Variants in GTF2I observed in about 807,000 individuals in gnomAD.
The protein encoded by GTF2I is general transcription factor IIi.
Under a neutral mutation model 67.6 loss-of-function variants are expected in GTF2I, and 12 were observed. The observed-to-expected ratio is 0.18, with a 90% CI of 0.11 to 0.29. The LOEUF (loss-of-function observed/expected upper bound fraction) is 0.29. Among genes scored for constraint, GTF2I ranks in the 10% least tolerant of loss-of-function variants. GTF2I has a pLI of 1.00. For synonymous variants in GTF2I, 149 were observed against 197.0 expected, an observed-to-expected ratio of 0.76 and a Z score of 2.04; for missense variants, 271 against 580.1, an observed-to-expected ratio of 0.47 and a Z score of 5.47.
At chr7:74,684,011 A>G (rs1004132817) in intron 1 of GTF2I, among the ~76,000 whole-genome samples, 2 of 151,626 alleles carry the variant, frequency 1.3e-5, no homozygotes, top group African/African-American at 4.9e-5. Flanking sequence ...GACAGATAGG[A>G]GAGGTCATAT....
chr7:74,689,378 G>C, intron 2 of GTF2I, 151 bp downstream of exon 2: 1 of 440,092 alleles, frequency 2.3e-6, no homozygotes, highest in Non-Finnish European at 3.9e-6. Flanking sequence ...TTTTTGAGAC[G>C]GAGTCTTGCT....
In GTF2I at chr7:74,662,204, C is replaced by CT. The variant is rs59914241; in HGVS notation, c.-6+4163dup. Among the ~76,000 whole-genome samples, 712 of 82,576 alleles carry CT rather than the reference C, an allele frequency of 8.6e-3. 19 individuals are homozygous for CT. Among genetic ancestry groups the CT allele is most frequent in the South Asian group, 0.02 (49 of 2,452 alleles). 54.2% of individuals were successfully genotyped at this position (82,576 alleles called of 152,430 possible). On this transcript the variant is annotated intron_variant, in intron 1 of 34. Transcript: ENST00000573035. ...AGAAAGATTTTTAGGTTTTTTCTTT[C>CT]TTTTTTTTTTTTTTTTTTTTTTTTT...
At chr7:74,702,040 A>G (rs954018574) in intron 6 of GTF2I, among the ~76,000 whole-genome samples, 1 of 152,170 alleles carries the variant, frequency 6.6e-6, no homozygotes, top group African/African-American at 2.4e-5. Context: ...ATTCTGTGAC[A>G]TGAACATACT....
At chr7:74,678,096 C>G (rs1299282309) in intron 1 of GTF2I, among the ~76,000 whole-genome samples, 1 of 151,966 alleles carries the variant, frequency 6.6e-6, no homozygotes, top group African/African-American at 2.4e-5. Flanking sequence ...ACTCTGTCAC[C>G]CAGGCTGGAG....
At chr7:74,716,736 A>G (rs1425264824) in intron 10 of GTF2I, 158 bp from the exon 11 acceptor site, 2 of 540,716 alleles carry the variant, frequency 3.7e-6, no homozygotes, top group African/African-American at 3.8e-5. Flanking sequence ...TCTTTTCTGA[A>G]TTAGAAAACA....
intron 2 of GTF2I, among the ~76,000 whole-genome samples, chr7:74,689,575 C>T (rs1194691209): frequency 6.6e-6 from 1 of 151,700 alleles, no homozygotes; most frequent in Non-Finnish European, 1.5e-5. Context: ...AGGCCGGTCT[C>T]GAACTCCTGA....
At chr7:74,711,647 C>T (rs1484124952) in intron 9 of GTF2I, among the ~76,000 whole-genome samples, 5 of 152,092 alleles carry the variant, frequency 3.3e-5, no homozygotes, top group African/African-American at 9.7e-5. Context: ...GGTTAGTTTG[C>T]ATTTTCTATA....
At chr7:74,710,162 T>C (rs1344512328) in intron 8 of GTF2I, among the ~76,000 whole-genome samples, 3 of 152,162 alleles carry the variant, frequency 2.0e-5, no homozygotes, top group Non-Finnish European at 4.4e-5. Flanking sequence ...TGCATACCCT[T>C]TGTATATCAA....
chr7:74,747,880 C>T (rs1289791346), intron 23 of GTF2I, 135 bp from the exon 24 acceptor site: 11 of 132,500 alleles, frequency 8.3e-5, no homozygotes, highest in Middle Eastern at 3.1e-3. Flanking sequence ...TGGAACTCGC[C>T]GGAATGACAA....
rs138935303 is a variant in GTF2I, at chr7:74,695,384, A to G, written c.239-3577A>G. Among the ~76,000 whole-genome samples the G allele has an allele frequency of 5.3e-5, 8 of 152,316 alleles. No homozygotes were observed. The East Asian group carries it at 1.3e-3, about 26-fold the overall frequency. ...TACAGAGAGACCTTTCATGAAAGCA[A>G]GAGTCAATGTAACTTTTATATGCAT... On this transcript the variant is annotated intron_variant, in intron 3 of 34. Coordinates refer to ENST00000573035, the MANE Select transcript of GTF2I (RefSeq NM_032999.4).
At chr7:74,690,852 C>CA in intron 2 of GTF2I, 121 bp from the exon 3 acceptor site, 1 of 946,732 alleles carries the variant, frequency 1.1e-6, no homozygotes, top group Non-Finnish European at 1.6e-6. Context: ...AAAATCAGGC[C>CA]AAAAACTATC....
At position 74,694,305 on chromosome 7, in the gene GTF2I, A is replaced by T. The variant is rs587741172; in HGVS notation, c.238+3194A>T. Reference sequence around the variant, plus strand: ...ATGAGGTTTAAGGAAAGACACAGTCAGCTGGGGGCGGTGGCTCACGCCTGT... The same window carrying T: ...ATGAGGTTTAAGGAAAGACACAGTCTGCTGGGGGCGGTGGCTCACGCCTGT... On this transcript the variant is annotated intron_variant, in intron 3 of 34. Transcript: ENST00000573035. 7.2e-5 allele frequency among the ~76,000 whole-genome samples: 11 copies of T among 152,252 alleles called. No individual in the cohort carries two copies. The South Asian group carries it at 2.3e-3, about 32-fold the overall frequency.
At chr7:74,708,909 A>G (rs1554402028) in intron 8 of GTF2I, among the ~76,000 whole-genome samples, 1 of 152,158 alleles carries the variant, frequency 6.6e-6, no homozygotes, top group African/African-American at 2.4e-5. Flanking sequence ...AAAGAAATCC[A>G]TTTTTACTCT....
At chr7:74,725,816 C>T (rs1315552435) in intron 12 of GTF2I, among the ~76,000 whole-genome samples, 2 of 151,506 alleles carry the variant, frequency 1.3e-5, no homozygotes, top group Non-Finnish European at 2.9e-5. Flanking sequence ...ATTAAAAAAG[C>T]ACTCTAGTAG....
chr7:74,732,191 G>A (rs1299235766), intron 14 of GTF2I, among the ~76,000 whole-genome samples: 1 of 147,742 alleles, frequency 6.8e-6, no homozygotes, highest in Non-Finnish European at 1.5e-5. Flanking sequence ...ATATAACACA[G>A]TGAAACCCCC....
chr7:74,690,385 G>T (rs1055132259), intron 2 of GTF2I, among the ~76,000 whole-genome samples: 1 of 152,132 alleles, frequency 6.6e-6, no homozygotes, highest in African/African-American at 2.4e-5. Flanking sequence ...CATTTTAAAA[G>T]AATATTTAAT....
chr7:74,715,863 G>A (rs1792198478), intron 10 of GTF2I, among the ~76,000 whole-genome samples: 1 of 152,044 alleles, frequency 6.6e-6, no homozygotes, highest in African/African-American at 2.4e-5. Context: ...CTCAGTATGG[G>A]ACTTTTAATT....
At chr7:74,667,495 A>T (rs1170426250) in intron 1 of GTF2I, among the ~76,000 whole-genome samples, 4 of 152,038 alleles carry the variant, frequency 2.6e-5, no homozygotes, top group African/African-American at 9.7e-5. Context: ...CATATACTTA[A>T]CACAAAAATT....
chr7:74,687,601 A>G (rs1787852349), intron 1 of GTF2I: 1 of 952,668 alleles, frequency 1.0e-6, no homozygotes, highest in South Asian at 4.8e-5. Context: ...CTGGGCTAGC[A>G]GTTAATTCAC....
Sources: allele counts gnomAD v4.1 joint callset (sites outside exome capture counted in the v4.1 genomes callset), GRCh38; gene constraint gnomAD v4.1.1; transcripts MANE v1.5; gene names NCBI Gene and HGNC (gene_info 2026-07-23, HGNC 2026-07-21).